TTC1: variants seen among roughly 807,000 people sequenced by gnomAD.
TTC1 encodes the protein tetratricopeptide repeat protein 1.
A neutral mutation model predicts 37.6 loss-of-function variants in TTC1; 31 were observed. The ratio of observed to expected loss-of-function variants is 0.82; its 90% confidence interval spans 0.62 to 1.11. The LOEUF is 1.11. Among genes scored for constraint, TTC1 ranks in the 50% most tolerant of loss-of-function variants. The pLI, the probability that TTC1 is intolerant of heterozygous loss-of-function variation, is 0.00. For synonymous variants in TTC1, 127 were observed against 122.4 expected, an observed-to-expected ratio of 1.04 and a Z score of -0.25; for missense variants, 351 against 339.0, an observed-to-expected ratio of 1.04 and a Z score of -0.28.
At chr5:160,018,933 G>A (rs1192379173) in intron 2 of TTC1, among the ~76,000 whole-genome samples, 5 of 152,216 alleles carry the variant, frequency 3.3e-5, no homozygotes, top group African/African-American at 1.2e-4. Context: ...TTGGCGGGAT[G>A]GAGTGAGACG....
chr5:160,045,477 CA>C, intron 5 of TTC1, among the ~76,000 whole-genome samples: 1 of 107,586 alleles, frequency 9.3e-6, no homozygotes, highest in South Asian at 3.6e-4. Flanking sequence ...CACACACACA[CA>C]CACACACACA....
intron 4 of TTC1, 60 bp from the exon 5 acceptor site, chr5:160,043,072 AG>A (rs1757128600): frequency 1.3e-6 from 2 of 1,550,518 alleles, no homozygotes; most frequent in Non-Finnish European, 1.8e-6. Context: ...CATGTCATTA[AG>A]CCTTTGGGCC....
At chr5:160,026,515 T>C (rs919059977) in intron 2 of TTC1, among the ~76,000 whole-genome samples, 1 of 152,262 alleles carries the variant, frequency 6.6e-6, no homozygotes, top group Non-Finnish European at 1.5e-5. Flanking sequence ...ATAGTTGTTA[T>C]ATTTTCCCAA....
At chr5:160,054,744 A>C (rs952997712) in intron 7 of TTC1, among the ~76,000 whole-genome samples, 10 of 152,210 alleles carry the variant, frequency 6.6e-5, no homozygotes, top group African/African-American at 2.4e-4. Context: ...GAGGAACATA[A>C]AGATTTGAAG....
At position 160,043,224 on chromosome 5, in the gene TTC1, G is replaced by A. The variant is rs974240953; in HGVS notation, c.541+55G>A. On this transcript the variant is annotated intron_variant, in intron 5 of 7. Transcript: ENST00000231238. ...ACATACAGGAGCATTATGTCAGACA[G>A]AGGGGCTTTGGGTCAGGTGTGCACT... The A allele has an allele frequency of 6.2e-6, 10 of 1,602,544 alleles. No homozygotes were observed. In the African/African-American group the frequency reaches 1.3e-4, roughly 21 times the overall value.
intron 5 of TTC1, among the ~76,000 whole-genome samples, chr5:160,045,073 T>A (rs1206355237): frequency 6.6e-6 from 1 of 152,166 alleles, no homozygotes; most frequent in Non-Finnish European, 1.5e-5. Flanking sequence ...TTCCTTTATG[T>A]GAGGATGTGT....
intron 6 of TTC1, 83 bp downstream of exon 6, chr5:160,049,745 C>T: frequency 8.5e-7 from 1 of 1,175,500 alleles, no homozygotes; most frequent in Non-Finnish European, 1.1e-6. Context: ...CTTTCAGACA[C>T]AATTAAATTC....
intron 4 of TTC1, among the ~76,000 whole-genome samples, chr5:160,042,608 TTTTG>T (rs1055435315): frequency 1.3e-5 from 2 of 152,192 alleles, no homozygotes; most frequent in African/African-American, 4.8e-5. Context: ...GAGTTAGATA[TTTTG>T]TTTAAGAGTT....
chr5:160,018,592 A>G (rs1756646825), intron 2 of TTC1, among the ~76,000 whole-genome samples: 1 of 152,228 alleles, frequency 6.6e-6, no homozygotes, highest in South Asian at 2.1e-4. Flanking sequence ...GTGGGCTGAT[A>G]GTAGGCAAGG....
intron 5 of TTC1, among the ~76,000 whole-genome samples, chr5:160,048,126 C>CTTTTTTTTTT (rs56201199): frequency 5.6e-5 from 2 of 35,570 alleles, no homozygotes; most frequent in Admixed American, 5.1e-4. Context: ...CAAGACATTG[C>CTTTTTTTTTT]TTTTTTTTTT....
chr5:160,045,843 A>G (rs1757229154), intron 5 of TTC1, among the ~76,000 whole-genome samples: 1 of 151,930 alleles, frequency 6.6e-6, no homozygotes, highest in African/African-American at 2.4e-5. Context: ...CCCAGGTTCA[A>G]GCGACTCTTC....
chr5:160,021,398 C>T (rs1756701953), intron 2 of TTC1, among the ~76,000 whole-genome samples: 1 of 152,206 alleles, frequency 6.6e-6, no homozygotes, highest in Non-Finnish European at 1.5e-5. Flanking sequence ...ATCCGTTGAT[C>T]AAGGTCTAAA....
chr5:160,010,335 CATT>C (rs1252742639), intron 1 of TTC1, among the ~76,000 whole-genome samples, 162 bp from the exon 2 acceptor site: 1 of 149,934 alleles, frequency 6.7e-6, no homozygotes, highest in Non-Finnish European at 1.5e-5. Context: ...GACGATTTGA[CATT>C]ATTATTACTT....
intron 7 of TTC1, among the ~76,000 whole-genome samples, chr5:160,059,485 G>A (rs1008512700): frequency 1.1e-4 from 16 of 152,308 alleles, no homozygotes; most frequent in African/African-American, 3.6e-4. Context: ...AAGCAATAAG[G>A]CTGTTTTGCT....
intron 2 of TTC1, among the ~76,000 whole-genome samples, chr5:160,014,550 A>G (rs1359048602): frequency 6.6e-6 from 1 of 152,032 alleles, no homozygotes; most frequent in African/African-American, 2.4e-5. Context: ...AAGCCTTTAA[A>G]AATAAAAATA....
At position 160,010,549 on chromosome 5, in the gene TTC1, C is replaced by T. The variant is rs757756351; in HGVS notation, c.21C>T (p.Asn7=). The T allele has an allele frequency of 6.2e-6, 10 of 1,613,754 alleles. No individual in the cohort carries two copies. The highest frequency in any genetic ancestry group is 8.5e-6 in the Non-Finnish European group (10 of 1,179,746). Residue 7 remains asparagine, a synonymous_variant, in exon 2 of 8, where the codon AAC becomes AAT. Coordinates refer to ENST00000231238, the MANE Select transcript of TTC1 (RefSeq NM_003314.3). ...GCAGCATGGGGGAGAAGTCAGAGAA[C>T]TGTGGGGTTCCAGAGGATCTGTTAA... The part of the protein sequence containing the change: MGEKSE[N]CGVPEDLLNG...
intron 2 of TTC1, among the ~76,000 whole-genome samples, chr5:160,026,925 T>C (rs1433549281): frequency 6.6e-6 from 1 of 152,240 alleles, no homozygotes; most frequent in Non-Finnish European, 1.5e-5. Context: ...CTTTGGATTT[T>C]ATTAACTATG....
chr5:160,016,952 G>A (rs964914577), intron 2 of TTC1, among the ~76,000 whole-genome samples: 2 of 152,170 alleles, frequency 1.3e-5, no homozygotes, highest in African/African-American at 4.8e-5. Context: ...TAATTGAGGA[G>A]GAAAGCAGTT....
intron 2 of TTC1, among the ~76,000 whole-genome samples, chr5:160,018,409 G>T (rs1352632742): frequency 1.3e-5 from 2 of 152,200 alleles, no homozygotes; most frequent in Non-Finnish European, 2.9e-5. Flanking sequence ...TCTCAACAGA[G>T]ACTTAGGGGA....
Sources: gnomAD v4.1 joint callset for allele counts (sites outside exome capture counted in the v4.1 genomes callset) on GRCh38, gnomAD v4.1.1 for gene constraint, MANE v1.5 for transcripts, NCBI Gene and HGNC (gene_info 2026-07-23, HGNC 2026-07-21) for gene names.